Variants in LOXL1 observed in about 807,000 individuals in gnomAD.
LOXL1 encodes lysyl oxidase like 1.
In LOXL1, 31 loss-of-function variants were observed where a neutral mutation model predicts 62.2. The observed-to-expected ratio is 0.50, with a 90% CI of 0.37 to 0.67. The LOEUF is 0.67. Among genes scored for constraint, LOXL1 ranks in the 30% least tolerant of loss-of-function variants. LOXL1 has a pLI of 0.00. For synonymous variants in LOXL1, 403 were observed against 384.4 expected (o/e 1.05, Z -0.56); for missense variants, 775 against 843.4 (o/e 0.92, Z 1.00).
intron 1 of LOXL1, among the ~76,000 whole-genome samples, chr15:73,938,015 G>A (rs538427724): frequency 1.8e-4 from 28 of 152,304 alleles, no homozygotes; most frequent in South Asian, 6.2e-4. Context: ...GGCCGGGTGC[G>A]GTCACTCACC....
intron 3 of LOXL1, 67 bp downstream of exon 3, chr15:73,946,621 A>G: frequency 6.6e-7 from 1 of 1,518,330 alleles, no homozygotes. Flanking sequence ...TTGGTGCCTG[A>G]GCTCCCCTCC....
intron 2 of LOXL1, 96 bp from the exon 3 acceptor site, chr15:73,946,321 G>A: frequency 1.2e-6 from 1 of 842,490 alleles, no homozygotes; most frequent in Non-Finnish European, 1.9e-6. Flanking sequence ...TGCAGAACCA[G>A]TGGCCAAGGG....
chr15:73,948,219 C>T (rs1447885846), intron 5 of LOXL1, among the ~76,000 whole-genome samples: 1 of 152,192 alleles, frequency 6.6e-6, no homozygotes, highest in African/African-American at 2.4e-5. Context: ...GCCATGTGGT[C>T]TATCTTCCTG....
Position 73,927,309 on chromosome 15 carries a change from C to G in LOXL1, c.526C>G (p.Gln176Glu), listed in dbSNP as rs1310886267. 1 of 1,603,556 alleles carries G rather than the reference C, an allele frequency of 6.2e-7. No homozygotes were observed. The highest frequency in any genetic ancestry group is 8.5e-7 in the Non-Finnish European group (1 of 1,176,894). The change falls in exon 1 of 7, where the codon CAG becomes GAG. Residue 176 changes from glutamine to glutamate, a missense_variant. Transcript: ENST00000261921. The part of the protein sequence containing the change: ...TYRQQPSYPQ[Q>E]FPYPQAPFVS... Reference sequence around the variant, plus strand: ...CCGCCAGCAGCCCTCCTACCCGCAGCAGTTCCCCTACCCGCAGGCGCCCTT... The same window carrying G: ...CCGCCAGCAGCCCTCCTACCCGCAGGAGTTCCCCTACCCGCAGGCGCCCTT...
In LOXL1 at chr15:73,927,203, C is replaced by G. The variant is rs752134270; in HGVS notation, c.420C>G (p.Ala140=). The G allele has an allele frequency of 5.0e-6, 8 of 1,593,090 alleles. No homozygotes were observed. Among genetic ancestry groups the G allele is most frequent in the Admixed American group, 1.7e-5 (1 of 59,054 alleles). The change falls in exon 1 of 7, where the codon GCC becomes GCG. Residue 140 remains alanine (A), a synonymous_variant. Coordinates refer to ENST00000261921, the MANE Select transcript of LOXL1 (RefSeq NM_005576.4). ...CCGTCGGGGACAGCACGGGCATGGC[C>G]CGGGCCCGCACCTCCGTCTCCCAGC... ...EVAVGDSTGM[A]RARTSVSQQR...
At chr15:73,949,304 C>T (rs2068768167) in intron 5 of LOXL1, among the ~76,000 whole-genome samples, 155 bp from the exon 6 acceptor site, 1 of 152,164 alleles carries the variant, frequency 6.6e-6, no homozygotes, top group South Asian at 2.1e-4. Context: ...CCTCTTCTTT[C>T]CCCTCTGTGT....
At chr15:73,939,602 G>A (rs1033368670) in intron 1 of LOXL1, among the ~76,000 whole-genome samples, 2 of 152,172 alleles carry the variant, frequency 1.3e-5, no homozygotes, top group African/African-American at 2.4e-5. Flanking sequence ...CTGGGGTGGC[G>A]GAGGCGGGGA....
At chr15:73,942,467 T>C (rs562369399) in intron 1 of LOXL1, among the ~76,000 whole-genome samples, 1 of 151,462 alleles carries the variant, frequency 6.6e-6, no homozygotes, top group East Asian at 1.9e-4. Context: ...CTCGAGGGAG[T>C]GCCTCTGTCA....
chr15:73,929,450 G>A (rs542742657), intron 1 of LOXL1, among the ~76,000 whole-genome samples: 1 of 152,354 alleles, frequency 6.6e-6, no homozygotes, highest in Admixed American at 6.5e-5. Context: ...TGCTCATGGG[G>A]TGCCTGTCTC....
At position 73,926,927 on chromosome 15, in the gene LOXL1, C is replaced by G; in HGVS notation, c.144C>G (p.Asn48Lys). ...GGCAGCTGATCCAGTGGGAGAACAA[C>G]GGGCAGGTGTACAGCTTGCTCAACT... ...RWRQLIQWENNGQVYSLLNSG... is the reference protein window; with the variant it reads ...RWRQLIQWENKGQVYSLLNSG... The change falls in exon 1 of 7, where the codon AAC becomes AAG. Residue 48 changes from asparagine (N) to lysine (K), a missense_variant. Coordinates refer to ENST00000261921, the MANE Select transcript of LOXL1 (RefSeq NM_005576.4). 6.4e-7 allele frequency: 1 copy of G among 1,570,722 alleles called. No homozygotes were observed. The highest frequency in any genetic ancestry group is 8.6e-7 in the Non-Finnish European group (1 of 1,159,246).
chr15:73,944,721 C>T (rs1171710081), intron 2 of LOXL1, among the ~76,000 whole-genome samples: 1 of 152,204 alleles, frequency 6.6e-6, no homozygotes, highest in Non-Finnish European at 1.5e-5. Flanking sequence ...GGGCCTAGAA[C>T]CTAGACCCTT....
chr15:73,946,692 G>C, intron 3 of LOXL1, 138 bp downstream of exon 3: 1 of 1,030,420 alleles, frequency 9.7e-7, no homozygotes, highest in African/African-American at 1.6e-5. Flanking sequence ...GGTGTTACCT[G>C]CCAACTCTTT....
intron 1 of LOXL1, among the ~76,000 whole-genome samples, chr15:73,934,005 A>G (rs2068653271): frequency 6.6e-6 from 1 of 152,240 alleles, no homozygotes; most frequent in Non-Finnish European, 1.5e-5. Context: ...GAAACCAGGC[A>G]TTGCAGTACC....
In LOXL1 at chr15:73,927,734, G is replaced by A. The variant is rs979306571; in HGVS notation, c.951G>A (p.Pro317=). ...GGTACCCGCCCTACGCCAACCCGCCGCCCGAGGCGTACGGGCCGCCGCGCG... is the reference window on the plus strand; with the variant it reads ...GGTACCCGCCCTACGCCAACCCGCCACCCGAGGCGTACGGGCCGCCGCGCG... The part of the protein sequence containing the change: ...LGWYPPYANP[P]PEAYGPPRAL... The change falls in exon 1 of 7, where the codon CCG becomes CCA. Residue 317 remains proline, a synonymous_variant. Transcript: ENST00000261921. 1.8e-5 allele frequency: 26 copies of A among 1,461,066 alleles called. No homozygotes were observed. Among genetic ancestry groups the A allele is most frequent in the Admixed American group, 5.1e-5 (2 of 39,282 alleles). The allele number at this position is 1,461,066 out of a possible 1,614,324, so 90.5% of individuals were successfully genotyped here. A position where few individuals can be genotyped will look rare whatever the true frequency, so the allele number is the denominator to read the frequency against.
chr15:73,947,755 T>TG, intron 4 of LOXL1, 52 bp from the exon 5 acceptor site: 1 of 1,290,452 alleles, frequency 7.7e-7, no homozygotes, highest in South Asian at 1.3e-5. Context: ...GGGCGTGGGG[T>TG]GGCTCTGGGA....
chr15:73,935,070 C>T (rs2068661554), intron 1 of LOXL1, among the ~76,000 whole-genome samples: 1 of 152,164 alleles, frequency 6.6e-6, no homozygotes, highest in African/African-American at 2.4e-5. Context: ...GGGGTCCGGG[C>T]CATGGGGAGC....
chr15:73,942,944 A>C lies in LOXL1; in HGVS notation c.1193A>C (p.Glu398Ala), dbSNP rs555632593. The C allele has an allele frequency of 5.9e-5, 96 of 1,613,682 alleles. 1 individual carries two copies. The South Asian group carries it at 9.9e-4, about 17-fold the overall frequency. Residue 398 changes from glutamate (E) to alanine (A), a missense_variant, in exon 2 of 7, where the codon GAG becomes GCG. Glu to Ala is a moderately radical substitution (Grantham distance 107). Coordinates refer to ENST00000261921, the MANE Select transcript of LOXL1 (RefSeq NM_005576.4). ...AHLYSLRCAA[E>A]EKCLASTAYA... ...CTGTACTCCCTGCGCTGTGCTGCGG[A>C]GGAGAAGTGTCTGGCCAGGTAAGGA...
At position 73,930,436 on chromosome 15, in the gene LOXL1, C is replaced by G. The variant is rs1021481430; in HGVS notation, c.1102+2551C>G. ...CCAGAGAGGGAGCAGTAGTCTCTCC[C>G]ATCATTGGTTCCTCCCTCCCCACCC... is the stretch of plus-strand genomic sequence containing the variant. On this transcript the variant is annotated intron_variant, in intron 1 of 6. Transcript: ENST00000261921. The surrounding 1 kb of genome is among the most constrained non-coding windows in gnomAD (Gnocchi z 4.7). Among the ~76,000 whole-genome samples the G allele has an allele frequency of 6.6e-6, 1 of 152,132 alleles. No individual in the cohort carries two copies. The highest frequency in any genetic ancestry group is 2.4e-5 in the African/African-American group (1 of 41,422).
intron 2 of LOXL1, among the ~76,000 whole-genome samples, chr15:73,943,170 C>G (rs2068726727): frequency 1.3e-5 from 2 of 152,198 alleles, no homozygotes; most frequent in African/African-American, 4.8e-5. Flanking sequence ...GGGGGCCCAG[C>G]ATTTCTGTAT....
Sources: allele counts gnomAD v4.1 joint callset (sites outside exome capture counted in the v4.1 genomes callset), GRCh38; gene constraint gnomAD v4.1.1; non-coding constraint Gnocchi (gnomAD v3.1); transcripts MANE v1.5; gene names NCBI Gene and HGNC (gene_info 2026-07-23, HGNC 2026-07-21).